NCKAP1: variants seen among roughly 807,000 people sequenced by gnomAD.
NCKAP1 encodes the protein NCK associated protein 1.
In NCKAP1, 21 loss-of-function variants were observed where a neutral mutation model predicts 151.2. The ratio of observed to expected loss-of-function variants is 0.14; its 90% CI spans 0.10 to 0.20. The LOEUF is 0.20. Among genes scored for constraint, NCKAP1 ranks in the 10% least tolerant of loss-of-function variants. NCKAP1 has a pLI of 1.00. For missense variants in NCKAP1, 933 were observed against 1,352.1 expected (o/e 0.69, Z 4.86); for synonymous variants, 484 against 451.8 (o/e 1.07, Z -0.90).
intron 15 of NCKAP1, among the ~76,000 whole-genome samples, chr2:182,972,651 T>C (rs1697724959): frequency 6.6e-6 from 1 of 152,178 alleles, no homozygotes; most frequent in African/African-American, 2.4e-5. Context: ...CGTCAAGATA[T>C]GGAACCCAAC....
intron 23 of NCKAP1, among the ~76,000 whole-genome samples, chr2:182,945,247 C>CA (rs67079042): frequency 7.3e-5 from 11 of 150,940 alleles, no homozygotes; most frequent in African/African-American, 2.2e-4. Flanking sequence ...AAATAAAAAA[C>CA]AAAAAAAAAG....
rs1197930443 is a variant in NCKAP1 at position 182,916,648 on chromosome 2, C to T, written c.*9054G>A. The T allele has an allele frequency of 6.6e-6, 1 of 152,176 alleles. No individual in the cohort carries two copies. The highest frequency in any genetic ancestry group is 1.5e-5 in the Non-Finnish European group (1 of 68,038). The allele number at this position is 152,176 out of a possible 1,614,324, so 9.4% of individuals were successfully genotyped here. A position where few individuals can be genotyped will look rare whatever the true frequency, so the allele number is the denominator to read the frequency against. On this transcript the variant is annotated 3_prime_UTR_variant, in exon 31 of 31. Transcript: ENST00000361354. ...TGCCAGCCAGAATAAGAGAACATTC[C>T]ATTCCAGAGACAGGGAACAGCATGT...
chr2:183,037,037 G>A lies in NCKAP1; in HGVS notation c.108+955C>T, dbSNP rs116634581. ...AAACTTACCAACCTTGCCTTAAGGGGAGAGATTTTGTTGTTTTGTCCTACG... is the reference window on the plus strand; with the variant it reads ...AAACTTACCAACCTTGCCTTAAGGGAAGAGATTTTGTTGTTTTGTCCTACG... On this transcript the variant is annotated intron_variant, in intron 1 of 30. Coordinates refer to ENST00000361354, the MANE Select transcript of NCKAP1 (RefSeq NM_013436.5). Among the ~76,000 whole-genome samples the A allele has an allele frequency of 2.9e-3, 446 of 152,226 alleles. 4 individuals are homozygous for A. The highest frequency in any genetic ancestry group is 0.01 in the African/African-American group (420 of 41,528).
rs757374702 is a variant in NCKAP1 at position 182,964,771 on chromosome 2, A to C, written c.1666T>G (p.Cys556Gly). 6.2e-7 allele frequency: 1 copy of C among 1,609,404 alleles called. No homozygotes were observed. Among genetic ancestry groups the C allele is most frequent in the Non-Finnish European group, 8.5e-7 (1 of 1,177,728 alleles). The change falls in exon 17 of 31, where the codon TGT (cysteine) becomes GGT (glycine). Residue 556 changes from cysteine to glycine, a missense_variant. Around this residue, in one of 2 missense-constraint regions of NCKAP1, gnomAD observed 607 missense variants for 795.0 expected, o/e 0.76. Transcript: ENST00000361354. The part of the protein sequence containing the change: ...SRAFEKMFQQ[C>G]LELPSQSRYS... Reference sequence around the variant, plus strand: ...CTTGATTGAGAGGGTAACTCCAAACACTGTTGAAACATCTTCTCAAAAGCA... The same window carrying C: ...CTTGATTGAGAGGGTAACTCCAAACCCTGTTGAAACATCTTCTCAAAAGCA...
chr2:182,934,850 TA>T lies in NCKAP1; in HGVS notation c.2779-19del. ...GATAAGACCTAGGCAGGATAACAAA[TA>T]AGAATACAGAATTATTTTTAAATGG... is the stretch of plus-strand genomic sequence containing the variant. On this transcript the variant is annotated intron_variant, in intron 25 of 30. Transcript: ENST00000361354. 8.3e-7 allele frequency: 1 copy of T among 1,198,902 alleles called. No homozygotes were observed. Among genetic ancestry groups the T allele is most frequent in the South Asian group, 1.5e-5 (1 of 66,550 alleles). 74.3% of individuals were successfully genotyped at this position (1,198,902 alleles called of 1,614,324 possible).
At chr2:182,957,420 C>A (rs1177721782) in intron 19 of NCKAP1, 37 bp downstream of exon 19, 4 of 1,576,658 alleles carry the variant, frequency 2.5e-6, no homozygotes, top group Middle Eastern at 1.7e-4. Context: ...AAATATTTTA[C>A]CTGGAGCAAA....
intron 15 of NCKAP1, among the ~76,000 whole-genome samples, chr2:182,972,559 T>TGG (rs1185560442): frequency 6.6e-6 from 1 of 152,202 alleles, no homozygotes; most frequent in African/African-American, 2.4e-5. Flanking sequence ...ATCACACTGC[T>TGG]GGGTATATAT....
Position 182,925,513 on chromosome 2 carries a change from G to A in NCKAP1, c.*189C>T, listed in dbSNP as rs937603997. On this transcript the variant is annotated 3_prime_UTR_variant, in exon 31 of 31. Transcript: ENST00000361354. Reference sequence around the variant, plus strand: ...TAATCTCAGTGAATTCAGTGAATGTGCAACCTAAATCAACCAAGTATACTG... The same window carrying A: ...TAATCTCAGTGAATTCAGTGAATGTACAACCTAAATCAACCAAGTATACTG... 2.5e-5 allele frequency: 9 copies of A among 356,410 alleles called. No individual in the cohort carries two copies. Among genetic ancestry groups the A allele is most frequent in the Non-Finnish European group, 4.2e-5 (8 of 190,440 alleles). The allele number at this position is 356,410 out of a possible 1,614,324, so 22.1% of individuals were successfully genotyped here.
Position 183,038,115 on chromosome 2 carries a change from GCCGCCGCCGC to G in NCKAP1, c.-26_-17del. The G allele has an allele frequency of 6.6e-7, 1 of 1,524,436 alleles. No homozygotes were observed. Among genetic ancestry groups the G allele is most frequent in the Non-Finnish European group, 8.7e-7 (1 of 1,144,160 alleles). 94.4% of individuals were successfully genotyped at this position (1,524,436 alleles called of 1,614,324 possible). On this transcript the variant is annotated 5_prime_UTR_variant, in exon 1 of 31. Transcript: ENST00000361354. ...AGCGCGACATGGTGGTGCTGGTGCC[GCCGCCGCCGC>G]CGGCCGCCTCGCGCCCAGTCACGGG...
chr2:182,965,244 A>T (rs980228077), intron 16 of NCKAP1, among the ~76,000 whole-genome samples: 7 of 142,860 alleles, frequency 4.9e-5, no homozygotes, highest in South Asian at 2.3e-4. Flanking sequence ...AAAATAAATT[A>T]AAAAAAGAGA....
At position 182,952,940 on chromosome 2, in the gene NCKAP1, A is replaced by T. The variant is rs774113090; in HGVS notation, c.2373-17T>A. ...TCCAAATACCTAAGGAGAAACGTAAACTTATAACCGGAAGAAACTGCTTAA... is the reference window on the plus strand; with the variant it reads ...TCCAAATACCTAAGGAGAAACGTAATCTTATAACCGGAAGAAACTGCTTAA... On this transcript the variant is annotated splice_polypyrimidine_tract_variant and intron_variant, in intron 21 of 30. Transcript: ENST00000361354. The T allele has an allele frequency of 8.1e-6, 13 of 1,599,650 alleles. No individual in the cohort carries two copies. Among genetic ancestry groups the T allele is most frequent in the Non-Finnish European group, 1.1e-5 (13 of 1,175,150 alleles).
At chr2:183,003,806 G>T (rs1006880302) in intron 2 of NCKAP1, among the ~76,000 whole-genome samples, 1 of 151,852 alleles carries the variant, frequency 6.6e-6, no homozygotes, top group Admixed American at 6.6e-5. Context: ...ATACGGTAAC[G>T]GTTCCCTGAC....
intron 2 of NCKAP1, among the ~76,000 whole-genome samples, chr2:183,018,908 G>C (rs1698744944): frequency 6.6e-6 from 1 of 152,174 alleles, no homozygotes; most frequent in Non-Finnish European, 1.5e-5. Flanking sequence ...ATTACACTTA[G>C]AGTTGCTTTG....
At chr2:182,956,328 C>A in intron 20 of NCKAP1, 134 bp downstream of exon 20, 1 of 1,148,668 alleles carries the variant, frequency 8.7e-7, no homozygotes, top group Non-Finnish European at 1.2e-6. Context: ...GCGTGAGCCA[C>A]CACGCCCGGC....
At chr2:183,028,787 G>A (rs1335772640) in intron 1 of NCKAP1, among the ~76,000 whole-genome samples, 1 of 152,036 alleles carries the variant, frequency 6.6e-6, no homozygotes, top group Non-Finnish European at 1.5e-5. Flanking sequence ...TACACATAGT[G>A]AGTTCTCAAT....
chr2:183,032,835 C>G (rs1384175173), intron 1 of NCKAP1, among the ~76,000 whole-genome samples: 1 of 152,028 alleles, frequency 6.6e-6, no homozygotes, highest in Non-Finnish European at 1.5e-5. Flanking sequence ...TTGCTCGACC[C>G]CAGGAGACAG....
intron 19 of NCKAP1, 185 bp from the exon 20 acceptor site, chr2:182,956,778 G>T (rs1357363331): frequency 3.7e-6 from 2 of 537,258 alleles, no homozygotes; most frequent in Admixed American, 7.9e-5. Context: ...ATATTCTAAA[G>T]ATGGCGTCAT....
At position 182,913,004 on chromosome 2, in the gene NCKAP1, T is replaced by C. The variant is rs1428786152; in HGVS notation, c.*12698A>G. 6.6e-6 allele frequency: 1 copy of C among 152,254 alleles called. No homozygotes were observed. Among genetic ancestry groups the C allele is most frequent in the Non-Finnish European group, 1.5e-5 (1 of 68,050 alleles). The allele number at this position is 152,254 out of a possible 1,614,324, so 9.4% of individuals were successfully genotyped here. A position where few individuals can be genotyped will look rare whatever the true frequency, so the allele number is the denominator to read the frequency against. ...GCCATGGTTACTATCATTGAAACTT[T>C]CACTTGAGCCTCTGTTCAGTTTTGA... On this transcript the variant is annotated 3_prime_UTR_variant, in exon 31 of 31. Transcript: ENST00000361354.
chr2:183,005,662 C>A (rs1698457736), intron 2 of NCKAP1, among the ~76,000 whole-genome samples: 1 of 152,130 alleles, frequency 6.6e-6, no homozygotes. Flanking sequence ...CTACTAGATG[C>A]CTAAATTCAA....
Sources: gnomAD v4.1 joint callset for allele counts (sites outside exome capture counted in the v4.1 genomes callset) on GRCh38, gnomAD v4.1.1 for gene constraint, gnomAD v4.1.1 regional missense constraint, MANE v1.5 for transcripts, NCBI Gene and HGNC (gene_info 2026-07-23, HGNC 2026-07-21) for gene names.